TRIM5: variants seen among roughly 807,000 people sequenced by gnomAD.
TRIM5 encodes the protein tripartite motif-containing protein 5.
Under a neutral mutation model 35.6 loss-of-function variants are expected in TRIM5, and 31 were observed. That is an observed-to-expected ratio of 0.87 (90% CI 0.65 to 1.18). TRIM5 has a LOEUF of 1.18. TRIM5 is among the 50% of genes most tolerant of loss of function. The pLI is 0.00. For missense variants in TRIM5, 609 were observed against 591.6 expected, an observed-to-expected ratio of 1.03 and a Z score of -0.31; for synonymous variants, 243 against 215.6, an observed-to-expected ratio of 1.13 and a Z score of -1.11.
chr11:5,625,487 A>G, the TRIM5 span, among the ~76,000 whole-genome samples: 306 of 152,178 alleles, frequency 2.0e-3, 2 homozygotes, highest in African/African-American at 7.0e-3. Context: ...CTGTTTTCCA[A>G]GTGTGTGCAG....
chr11:5,642,389 A>AC, the TRIM5 span: 17 of 1,609,476 alleles, frequency 1.1e-5, no homozygotes, highest in Admixed American at 2.9e-4. Flanking sequence ...GGGTCAAAAA[A>AC]TTTTTTTCAT....
intron 4 of TRIM5, among the ~76,000 whole-genome samples, chr11:5,677,034 T>C (rs1336119672): frequency 1.3e-5 from 2 of 152,160 alleles, no homozygotes; most frequent in Admixed American, 1.3e-4. Context: ...ATTCAGGACA[T>C]AGGCATGGAC....
chr11:5,620,419 A>T, the TRIM5 span, among the ~76,000 whole-genome samples: 11,172 of 149,458 alleles, frequency 0.075, 1,283 homozygotes, highest in African/African-American at 0.25. Flanking sequence ...GCCAGACTGG[A>T]CTCTAACTCC....
chr11:5,613,732 TTTA>T, the TRIM5 span, among the ~76,000 whole-genome samples: 1 of 152,204 alleles, frequency 6.6e-6, no homozygotes, highest in African/African-American at 2.4e-5. Context: ...GTGAATTTAC[TTTA>T]TAAGTAATTT....
the TRIM5 span, among the ~76,000 whole-genome samples, chr11:5,602,337 G>T: frequency 6.6e-6 from 1 of 152,086 alleles, no homozygotes; most frequent in African/African-American, 2.4e-5. Context: ...CAGCTACTCG[G>T]GAGGCTGAGG....
At chr11:5,648,619 G>T in the TRIM5 span, among the ~76,000 whole-genome samples, 4 of 152,130 alleles carry the variant, frequency 2.6e-5, no homozygotes, top group African/African-American at 9.7e-5. Flanking sequence ...GGGCCAGTGT[G>T]AAAGACAAAA....
the TRIM5 span, among the ~76,000 whole-genome samples, chr11:5,615,597 G>GT: frequency 9.6e-3 from 1,282 of 133,380 alleles, 16 homozygotes; most frequent in African/African-American, 0.034. Flanking sequence ...TGTTGTTGTT[G>GT]TTGTTTGTTT....
chr11:5,633,777 G>C, the TRIM5 span: 1 of 1,603,276 alleles, frequency 6.2e-7, no homozygotes, highest in Non-Finnish European at 8.5e-7. Flanking sequence ...CTTATAGCTT[G>C]ACTGTAGTGT....
chr11:5,605,503 C>G, the TRIM5 span: 1 of 1,614,112 alleles, frequency 6.2e-7, no homozygotes, highest in Non-Finnish European at 8.5e-7. Context: ...CAGACCCAGT[C>G]GCTGCGAGAG....
the TRIM5 span, chr11:5,655,786 T>C: frequency 2.8e-6 from 2 of 720,556 alleles, no homozygotes; most frequent in African/African-American, 1.9e-5. Flanking sequence ...TTTAATTAAT[T>C]GTGTAAAAAT....
the TRIM5 span, chr11:5,596,783 CGA>C: frequency 6.5e-7 from 1 of 1,545,918 alleles, no homozygotes; most frequent in East Asian, 2.3e-5. Flanking sequence ...AGATAAAAGC[CGA>C]GTGAGCGCGC....
chr11:5,659,702 T>A (rs1850748130), downstream of TRIM5, among the ~76,000 whole-genome samples: 1 of 151,988 alleles, frequency 6.6e-6, no homozygotes, highest in Non-Finnish European at 1.5e-5. Flanking sequence ...CATCCCCAGG[T>A]TTTATTGTTT....
At chr11:5,600,908 G>C in the TRIM5 span, among the ~76,000 whole-genome samples, 1 of 152,106 alleles carries the variant, frequency 6.6e-6, no homozygotes, top group Non-Finnish European at 1.5e-5. Context: ...ATGGCTCCCA[G>C]TGAAAATAAC....
the TRIM5 span, among the ~76,000 whole-genome samples, chr11:5,629,006 G>A: frequency 6.6e-6 from 1 of 152,188 alleles, no homozygotes; most frequent in Non-Finnish European, 1.5e-5. Flanking sequence ...GCCGGGTGCA[G>A]TGGCTCACAC....
chr11:5,618,074 A>G, the TRIM5 span, among the ~76,000 whole-genome samples: 2 of 152,176 alleles, frequency 1.3e-5, no homozygotes, highest in African/African-American at 4.8e-5. Flanking sequence ...ATGCTTATTT[A>G]TGTATCATCT....
At chr11:5,645,515 T>A in the TRIM5 span, among the ~76,000 whole-genome samples, 1 of 151,700 alleles carries the variant, frequency 6.6e-6, no homozygotes, top group Non-Finnish European at 1.5e-5. Context: ...TAGGTTAAAA[T>A]TAACAATCTT....
the TRIM5 span, among the ~76,000 whole-genome samples, chr11:5,614,766 T>A: frequency 6.6e-6 from 1 of 152,228 alleles, no homozygotes; most frequent in African/African-American, 2.4e-5. Flanking sequence ...AACTTAAAAA[T>A]AATCTTTTTA....
the TRIM5 span, chr11:5,610,448 CATTCCCCTCA>C: frequency 1.2e-6 from 2 of 1,608,566 alleles, no homozygotes; most frequent in Non-Finnish European, 1.7e-6. Flanking sequence ...GATTCCTCAC[CATTCCCCTCA>C]ATGTAGTAAG....
chr11:5,646,856 TTCTTCCTTC>T, the TRIM5 span, among the ~76,000 whole-genome samples: 1 of 152,186 alleles, frequency 6.6e-6, no homozygotes, highest in Non-Finnish European at 1.5e-5. Flanking sequence ...GAAGCACAGT[TTCTTCCTTC>T]CAAAATGAAA....
Sources: gnomAD v4.1 joint callset for allele counts (sites outside exome capture counted in the v4.1 genomes callset) on GRCh38, gnomAD v4.1.1 for gene constraint, MANE v1.5 for transcripts, NCBI Gene and HGNC (gene_info 2026-07-23, HGNC 2026-07-21) for gene names.